LAMA4: variants seen among roughly 807,000 people sequenced by gnomAD.
LAMA4 encodes laminin subunit alpha-4.
LAMA4 carries 127 observed loss-of-function variants against 207.1 expected under a neutral mutation model. The observed-to-expected ratio is 0.61, with a 90% CI of 0.53 to 0.71. The LOEUF is 0.71. Among genes scored for constraint, LAMA4 ranks in the 30% least tolerant of loss-of-function variants. The pLI, the probability that LAMA4 is intolerant of heterozygous loss-of-function variation, is 0.00. For synonymous variants in LAMA4, 761 were observed against 816.0 expected (o/e 0.93, Z 1.15); for missense variants, 2,093 against 2,246.5 (o/e 0.93, Z 1.38).
intron 2 of LAMA4, among the ~76,000 whole-genome samples, chr6:112,227,036 G>A (rs951409779): frequency 7.6e-6 from 1 of 131,378 alleles, no homozygotes; most frequent in Non-Finnish European, 1.6e-5. Flanking sequence ...TCAGGGCTTC[G>A]ACTATTTTAT....
At chr6:112,229,594 G>A (rs1583956338) in intron 2 of LAMA4, among the ~76,000 whole-genome samples, 2 of 152,258 alleles carry the variant, frequency 1.3e-5, no homozygotes, top group South Asian at 4.1e-4. Flanking sequence ...GGTAGGAAAC[G>A]GCATGGACAT....
intron 6 of LAMA4, 121 bp from the exon 7 acceptor site, chr6:112,189,326 A>G: frequency 2.8e-6 from 2 of 724,208 alleles, no homozygotes; most frequent in South Asian, 1.5e-5. Context: ...GGAATTAATT[A>G]CATTCTTCCT....
At chr6:112,110,163 G>T (rs1301020609) in intron 38 of LAMA4, among the ~76,000 whole-genome samples, 1 of 152,082 alleles carries the variant, frequency 6.6e-6, no homozygotes, top group Non-Finnish European at 1.5e-5. Flanking sequence ...GTCTTTGTGT[G>T]GGCACAAGTG....
chr6:112,136,487 T>C (rs1175792485), intron 24 of LAMA4, among the ~76,000 whole-genome samples: 8 of 151,556 alleles, frequency 5.3e-5, no homozygotes, highest in African/African-American at 1.9e-4. Context: ...AGGCCAGGAG[T>C]TTGAGACCAG....
At position 112,136,186 on chromosome 6, in the gene LAMA4, A is replaced by T. The variant is rs200539063; in HGVS notation, c.3351T>A (p.Gly1117=). Residue 1117 remains glycine, a synonymous_variant, in exon 25 of 39, where the codon GGT becomes GGA. Transcript: ENST00000230538. ...LHVFYDFGFS[G]GPVHLEDTLK... ...ACGTATCTTCAAGATGCACAGGGCC[A>T]CCGCTGAATCCAAAATCATAGAACA... 1.2e-6 allele frequency: 2 copies of T among 1,612,478 alleles called. No homozygotes were observed. Among genetic ancestry groups the T allele is most frequent in the East Asian group, 2.2e-5 (1 of 44,830 alleles).
Position 112,130,207 on chromosome 6 carries a change from A to C in LAMA4, c.3969-167T>G, listed in dbSNP as rs573843485. On this transcript the variant is annotated intron_variant, in intron 29 of 38. Coordinates refer to ENST00000230538, the MANE Select transcript of LAMA4 (RefSeq NM_001105206.3). ...ATGAGGCCCAGGATAAAATGGTTGG[A>C]TATTTCTATATGCAAAAAAGATCCT... The C allele has an allele frequency of 9.2e-5, 57 of 622,402 alleles. 2 individuals are homozygous for C. In the South Asian group the frequency reaches 9.4e-4, roughly 10 times the overall value. 38.6% of individuals were successfully genotyped at this position (622,402 alleles called of 1,614,324 possible).
chr6:112,234,836 G>A (rs1221589914), intron 2 of LAMA4: 3 of 152,216 alleles, frequency 2.0e-5, no homozygotes, highest in African/African-American at 7.2e-5. Flanking sequence ...CACAAATACT[G>A]TTTGAGACCA....
intron 3 of LAMA4, chr6:112,214,102 A>C: frequency 1.4e-6 from 1 of 712,520 alleles, no homozygotes; most frequent in Non-Finnish European, 2.6e-6. Flanking sequence ...AAACAGAAAA[A>C]AATGAGTTTG....
In LAMA4 at chr6:112,132,722, G is replaced by A. The variant is rs377126752; in HGVS notation, c.3834+31C>T. The A allele has an allele frequency of 4.5e-5, 72 of 1,600,986 alleles. No homozygotes were observed. In the South Asian group the frequency reaches 7.5e-4, roughly 17 times the overall value. On this transcript the variant is annotated intron_variant, in intron 28 of 38. Transcript: ENST00000230538. ...TAATAGGCAAAACAATTATCACAAAGAAGTTTCCTCAGAGAAAAACAAACA... is the reference window on the plus strand; with the variant it reads ...TAATAGGCAAAACAATTATCACAAAAAAGTTTCCTCAGAGAAAAACAAACA...
chr6:112,135,503 C>T (rs1043317566), intron 25 of LAMA4, among the ~76,000 whole-genome samples: 2 of 152,114 alleles, frequency 1.3e-5, no homozygotes, highest in African/African-American at 2.4e-5. Flanking sequence ...AGTCTCCTAC[C>T]CTTCGCATTT....
chr6:112,247,611 C>T (rs1261620999), intron 2 of LAMA4, among the ~76,000 whole-genome samples: 1 of 152,170 alleles, frequency 6.6e-6, no homozygotes, highest in Non-Finnish European at 1.5e-5. Context: ...TATCGAGGCC[C>T]ACCACTCACA....
At chr6:112,166,713 CAG>C (rs1481442609) in intron 12 of LAMA4, among the ~76,000 whole-genome samples, 2 of 152,148 alleles carry the variant, frequency 1.3e-5, no homozygotes, top group Non-Finnish European at 2.9e-5. Flanking sequence ...TAGCATTAGA[CAG>C]AAATGAATAA....
At chr6:112,141,796 C>T (rs887307038) in intron 20 of LAMA4, among the ~76,000 whole-genome samples, 16 of 152,076 alleles carry the variant, frequency 1.1e-4, no homozygotes, top group African/African-American at 3.4e-4. Flanking sequence ...CTGACAGTAC[C>T]GATCACTATG....
chr6:112,191,211 G>T (rs1369443919), intron 6 of LAMA4, among the ~76,000 whole-genome samples: 1 of 151,748 alleles, frequency 6.6e-6, no homozygotes, highest in Non-Finnish European at 1.5e-5. Flanking sequence ...CAAACTCCTG[G>T]CCTCAAGCCA....
chr6:112,191,590 G>C (rs782635296), intron 6 of LAMA4, 46 bp downstream of exon 6: 1 of 1,360,044 alleles, frequency 7.4e-7, no homozygotes, highest in Non-Finnish European at 1.1e-6. Flanking sequence ...TATTGGCAGA[G>C]GGTCATGCTG....
intron 2 of LAMA4, among the ~76,000 whole-genome samples, chr6:112,252,302 A>C (rs1787518065): frequency 6.6e-6 from 1 of 152,214 alleles, no homozygotes; most frequent in South Asian, 2.1e-4. Flanking sequence ...TGCAATCTGA[A>C]ACACTTTGCT....
chr6:112,129,838 T>C, intron 30 of LAMA4, 38 bp downstream of exon 30: 1 of 1,437,238 alleles, frequency 7.0e-7, no homozygotes, highest in Non-Finnish European at 9.6e-7. Flanking sequence ...ATTTTATTTA[T>C]CAATCATGCA....
chr6:112,204,290 C>A (rs1783926501), intron 4 of LAMA4, among the ~76,000 whole-genome samples: 1 of 152,088 alleles, frequency 6.6e-6, no homozygotes, highest in Non-Finnish European at 1.5e-5. Context: ...CGATAAATAT[C>A]TGATTGCATG....
At chr6:112,252,490 A>G (rs1420714322) in intron 2 of LAMA4, among the ~76,000 whole-genome samples, 1 of 152,228 alleles carries the variant, frequency 6.6e-6, no homozygotes, top group Non-Finnish European at 1.5e-5. Flanking sequence ...ACAGATACAA[A>G]TACAGGATGC....
Sources: allele counts gnomAD v4.1 joint callset (sites outside exome capture counted in the v4.1 genomes callset), GRCh38; gene constraint gnomAD v4.1.1; transcripts MANE v1.5; gene names NCBI Gene and HGNC (gene_info 2026-07-23, HGNC 2026-07-21).